POLH: variants seen among roughly 807,000 people sequenced by gnomAD.
The protein encoded by POLH is DNA polymerase eta transcript.
POLH carries 53 observed loss-of-function variants against 73.6 expected under a neutral mutation model. That is an observed-to-expected ratio of 0.72 (90% CI 0.58 to 0.91). POLH has a LOEUF of 0.91. Ranked by LOEUF, POLH falls within the 40% of genes least tolerant of loss-of-function variation. The pLI is 0.00. For synonymous variants in POLH, 292 were observed against 308.5 expected (o/e 0.95, Z 0.56); for missense variants, 768 against 865.4 (o/e 0.89, Z 1.41).
At chr6:43,580,681 T>A (rs1582265854) in intron 1 of POLH, among the ~76,000 whole-genome samples, 2 of 112,836 alleles carry the variant, frequency 1.8e-5, no homozygotes, top group Admixed American at 8.9e-5. Context: ...CCCCCCCACC[T>A]CCCTCCCGGA....
At chr6:43,582,219 C>T (rs1561896875) in intron 1 of POLH, 97 bp from the exon 2 acceptor site, 1 of 1,111,922 alleles carries the variant, frequency 9.0e-7, no homozygotes, top group Non-Finnish European at 1.4e-6. Flanking sequence ...TGCTCCCATG[C>T]TCATGGTAAC....
chr6:43,606,940 A>G (rs1479081173), intron 9 of POLH, among the ~76,000 whole-genome samples: 1 of 152,176 alleles, frequency 6.6e-6, no homozygotes, highest in Admixed American at 6.5e-5. Flanking sequence ...GCCCTAGGCA[A>G]CCACTACACT....
intron 9 of POLH, among the ~76,000 whole-genome samples, chr6:43,610,056 CTTTT>C (rs1297780442): frequency 1.0e-5 from 1 of 98,494 alleles, no homozygotes; most frequent in African/African-American, 4.0e-5. Context: ...TATATAGATT[CTTTT>C]TTTTTTTTTT....
intron 9 of POLH, among the ~76,000 whole-genome samples, chr6:43,609,080 CTG>C (rs1767609649): frequency 6.6e-6 from 1 of 152,128 alleles, no homozygotes; most frequent in Non-Finnish European, 1.5e-5. Flanking sequence ...ATTCAAATCT[CTG>C]TGCATGTATT....
In POLH at chr6:43,613,644, T is replaced by C. The variant is rs1425848599; in HGVS notation, c.1245-16T>C. 1 of 1,604,906 alleles carries C rather than the reference T, an allele frequency of 6.2e-7. No homozygotes were observed. Among genetic ancestry groups the C allele is most frequent in the African/African-American group, 1.3e-5 (1 of 74,716 alleles). ...TCTAAATTGCTAATCATCTTATTTC[T>C]TTACTTTCTGTATAGGTCTCCTCCT... On this transcript the variant is annotated splice_polypyrimidine_tract_variant and intron_variant, in intron 10 of 10. Transcript: ENST00000372236.
intron 10 of POLH, among the ~76,000 whole-genome samples, chr6:43,612,508 G>A (rs1326077097): frequency 6.6e-6 from 1 of 151,590 alleles, no homozygotes; most frequent in African/African-American, 2.4e-5. Context: ...CACCACGCCC[G>A]GCTAAATTTT....
At chr6:43,576,856 C>T (rs925059490) in intron 1 of POLH, among the ~76,000 whole-genome samples, 2 of 152,160 alleles carry the variant, frequency 1.3e-5, no homozygotes, top group Non-Finnish European at 2.9e-5. Flanking sequence ...CTTCATTTTC[C>T]ATCTTTATAA....
At chr6:43,590,467 T>C (rs1765336218) in intron 4 of POLH, among the ~76,000 whole-genome samples, 1 of 151,292 alleles carries the variant, frequency 6.6e-6, no homozygotes, top group African/African-American at 2.4e-5. Flanking sequence ...TTTGTTTTGG[T>C]TTTTGTTTTT....
At chr6:43,605,392 C>G in intron 9 of POLH, 73 bp downstream of exon 9, 2 of 766,404 alleles carry the variant, frequency 2.6e-6, no homozygotes, top group Non-Finnish European at 2.4e-6. Flanking sequence ...CCTTATGGAG[C>G]AGGAACAAAG....
intron 5 of POLH, among the ~76,000 whole-genome samples, chr6:43,600,602 T>C (rs1561907680): frequency 1.3e-5 from 2 of 152,168 alleles, no homozygotes; most frequent in Non-Finnish European, 2.9e-5. Context: ...GTAAATGGGA[T>C]AGGGTAAAAC....
chr6:43,585,153 CAAA>C lies in POLH; in HGVS notation c.272+2015_272+2017del, dbSNP rs1404733085. The stretch of plus-strand genomic sequence containing the variant: ...AGCCTGGGCAACAGTGAGATCCTGT[CAAA>C]AAGAAGATGAAGATGAAGAGATATA... On this transcript the variant is annotated intron_variant, in intron 3 of 10. Transcript: ENST00000372236. Among the ~76,000 whole-genome samples the C allele has an allele frequency of 1.3e-5, 2 of 151,956 alleles. 1 individual carries two copies. The highest frequency in any genetic ancestry group is 4.2e-4 in the South Asian group (2 of 4,816).
rs766442468 is a variant in POLH, at chr6:43,614,273, G to A, written c.1858G>A (p.Ala620Thr). The change falls in exon 11 of 11, where the codon GCA (alanine) becomes ACA (threonine). Residue 620 changes from alanine (A) to threonine (T), a missense_variant. By Grantham distance (58) the Ala-to-Thr change is moderately conservative. Transcript: ENST00000372236. ...SKSVLEVTQKATPNPSLLAAE... is the reference protein window; with the variant it reads ...SKSVLEVTQKTTPNPSLLAAE... The stretch of plus-strand genomic sequence containing the variant: ...ATCTGTGCTGGAGGTGACTCAGAAA[G>A]CAACCCCAAATCCAAGTCTTCTAGC... The A allele has an allele frequency of 2.5e-5, 40 of 1,599,130 alleles. No homozygotes were observed. In the Admixed American group the frequency reaches 6.0e-4, roughly 24 times the overall value.
chr6:43,577,701 G>A (rs527591985), intron 1 of POLH, among the ~76,000 whole-genome samples: 3 of 151,838 alleles, frequency 2.0e-5, no homozygotes, highest in South Asian at 2.1e-4. Context: ...TGTGTTTCTC[G>A]TATTTAAATC....
intron 4 of POLH, among the ~76,000 whole-genome samples, chr6:43,593,878 CAAAAAAA>C (rs768129925): frequency 1.3e-4 from 11 of 85,174 alleles, no homozygotes; most frequent in African/African-American, 3.8e-4. Context: ...GACTCCGTCT[CAAAAAAA>C]AAAAAAAAAA....
At chr6:43,579,652 T>A (rs1011522851) in intron 1 of POLH, among the ~76,000 whole-genome samples, 1 of 152,182 alleles carries the variant, frequency 6.6e-6, no homozygotes, top group Non-Finnish European at 1.5e-5. Flanking sequence ...ATCCAGTCAG[T>A]TAGAAGCACA....
rs1485135287 is a variant in POLH, at chr6:43,617,585, C to T, written c.*3028C>T. Among the ~76,000 whole-genome samples the T allele has an allele frequency of 6.6e-6, 1 of 151,544 alleles. No individual in the cohort carries two copies. The highest frequency in any genetic ancestry group is 1.5e-5 in the Non-Finnish European group (1 of 67,976). ...GAGGTTGTAGTGAGCTGAGATTGTGCCACTGCACTCCAGTCTGGGCAACAG... is the reference window on the plus strand; with the variant it reads ...GAGGTTGTAGTGAGCTGAGATTGTGTCACTGCACTCCAGTCTGGGCAACAG... On this transcript the variant is annotated 3_prime_UTR_variant, in exon 11 of 11. Coordinates refer to ENST00000372236, the MANE Select transcript of POLH (RefSeq NM_006502.3).
chr6:43,591,986 T>C (rs2127786247), intron 4 of POLH, among the ~76,000 whole-genome samples: 1 of 152,330 alleles, frequency 6.6e-6, no homozygotes, highest in African/African-American at 2.4e-5. Flanking sequence ...CTTACTTTTC[T>C]TACCTATGTA....
chr6:43,583,134 C>T lies in POLH; in HGVS notation c.265C>T (p.Leu89Phe). The change falls in exon 3 of 11, where the codon CTC becomes TTC. Residue 89 changes from leucine (L) to phenylalanine (F), a missense_variant. Leu to Phe is a conservative substitution (Grantham distance 22, BLOSUM62 0). Coordinates refer to ENST00000372236, the MANE Select transcript of POLH (RefSeq NM_006502.3). ...QVRESRGKANLTKYREASVEV... is the reference protein window; with the variant it reads ...QVRESRGKANFTKYREASVEV... ...TCGTGAGTCCCGTGGGAAAGCTAAC[C>T]TCACCAAGTAAGAAAAAAACATTAT... The T allele has an allele frequency of 6.2e-7, 1 of 1,613,858 alleles. No homozygotes were observed. Among genetic ancestry groups the T allele is most frequent in the Non-Finnish European group, 8.5e-7 (1 of 1,179,872 alleles).
chr6:43,588,200 T>C (rs1323780056), intron 4 of POLH: 2 of 156,784 alleles, frequency 1.3e-5, no homozygotes, highest in Non-Finnish European at 2.8e-5. Context: ...TCTAATCACT[T>C]CTTAGCACAT....
Sources: allele counts gnomAD v4.1 joint callset (sites outside exome capture counted in the v4.1 genomes callset), GRCh38; gene constraint gnomAD v4.1.1; transcripts MANE v1.5; gene names NCBI Gene and HGNC (gene_info 2026-07-23, HGNC 2026-07-21).